The following DCAF8 variants were observed in gnomAD, a reference collection of about 807,000 sequenced individuals.
The protein encoded by DCAF8 is DDB1- and CUL4-associated factor 8.
Under a neutral mutation model 68.0 loss-of-function variants are expected in DCAF8, and 20 were observed. That is an observed-to-expected ratio of 0.29 (90% CI 0.21 to 0.43). The LOEUF (loss-of-function observed/expected upper bound fraction) is 0.43. DCAF8 is among the 20% of genes least tolerant of loss of function. The pLI, the probability that DCAF8 is intolerant of heterozygous loss-of-function variation, is 1.00. For missense variants in DCAF8, 460 were observed against 771.0 expected (o/e 0.60, Z 4.78); for synonymous variants, 230 against 276.9 (o/e 0.83, Z 1.68).
intron 7 of DCAF8, among the ~76,000 whole-genome samples, chr1:160,228,617 T>TTC (rs1301573293): frequency 2.0e-5 from 3 of 151,770 alleles, no homozygotes; most frequent in Non-Finnish European, 2.9e-5. Flanking sequence ...TACCTTTTTT[T>TTC]TTTTTTTGGC....
chr1:160,254,080 T>G (rs1312148368), intron 2 of DCAF8, among the ~76,000 whole-genome samples: 1 of 152,200 alleles, frequency 6.6e-6, no homozygotes, highest in Non-Finnish European at 1.5e-5. Context: ...TCCCAACACT[T>G]TGGGAGGCCG....
At chr1:160,252,496 T>C (rs1656636163) in intron 2 of DCAF8, among the ~76,000 whole-genome samples, 1 of 151,964 alleles carries the variant, frequency 6.6e-6, no homozygotes, top group Non-Finnish European at 1.5e-5. Context: ...TCAAGAAACA[T>C]ATATGGGTAG....
chr1:160,238,890 T>TG, intron 4 of DCAF8, 143 bp from the exon 5 acceptor site: 3 of 967,476 alleles, frequency 3.1e-6, no homozygotes, highest in Non-Finnish European at 4.4e-6. Flanking sequence ...CTTGTACAGC[T>TG]GGCTAAGCCC....
At chr1:160,223,418 T>A (rs1359056618) in intron 10 of DCAF8, among the ~76,000 whole-genome samples, 3 of 152,072 alleles carry the variant, frequency 2.0e-5, no homozygotes, top group African/African-American at 7.2e-5. Flanking sequence ...AAAATAAAAC[T>A]AACCTCTAAC....
chr1:160,251,656 G>A (rs768871849), intron 2 of DCAF8, among the ~76,000 whole-genome samples: 11 of 152,046 alleles, frequency 7.2e-5, no homozygotes, highest in Non-Finnish European at 1.2e-4. Flanking sequence ...TGTAGAGATG[G>A]TGGTGGGGAA....
At chr1:160,258,846 T>G (rs143510230) in intron 2 of DCAF8, among the ~76,000 whole-genome samples, 3 of 152,214 alleles carry the variant, frequency 2.0e-5, no homozygotes, top group Admixed American at 6.5e-5. Flanking sequence ...CACCTGGACA[T>G]TCTTACCCAG....
At chr1:160,230,804 T>A (rs1472920942) in intron 7 of DCAF8, among the ~76,000 whole-genome samples, 2 of 152,166 alleles carry the variant, frequency 1.3e-5, no homozygotes, top group Non-Finnish European at 2.9e-5. Context: ...CAGGCTGGAG[T>A]GCAGTGGCAC....
At chr1:160,248,522 T>C (rs1290513600) in intron 2 of DCAF8, among the ~76,000 whole-genome samples, 1 of 150,774 alleles carries the variant, frequency 6.6e-6, no homozygotes, top group Non-Finnish European at 1.5e-5. Flanking sequence ...GATCACGAGG[T>C]CAGGAGATCA....
intron 7 of DCAF8, among the ~76,000 whole-genome samples, chr1:160,230,643 GT>G (rs533376342): frequency 6.6e-6 from 1 of 152,260 alleles, no homozygotes; most frequent in South Asian, 2.1e-4. Flanking sequence ...TCTAGTGCAC[GT>G]TTATTTACAT....
chr1:160,257,223 G>A (rs573173224), intron 2 of DCAF8, among the ~76,000 whole-genome samples: 1 of 151,902 alleles, frequency 6.6e-6, no homozygotes, highest in East Asian at 1.9e-4. Context: ...GTTCCAAATA[G>A]GTGAGGGTAA....
At chr1:160,231,194 T>C (rs1655670683) in intron 7 of DCAF8, 103 bp downstream of exon 7, 6 of 791,360 alleles carry the variant, frequency 7.6e-6, no homozygotes, top group Non-Finnish European at 1.3e-5. Context: ...TAATAGTTAA[T>C]GGATTCCTAT....
Position 160,233,726 on chromosome 1 carries a change from C to T in DCAF8, c.960-2319G>A, listed in dbSNP as rs189772226. Among the ~76,000 whole-genome samples the T allele has an allele frequency of 8.5e-5, 13 of 152,328 alleles. No homozygotes were observed. The East Asian group carries it at 2.5e-3, about 29-fold the overall frequency. ...AAACTAAGGAATAGATTATGAAGTA[C>T]TGGCTCCACAGTTATGTAATCCTGC... On this transcript the variant is annotated intron_variant, in intron 6 of 13. Transcript: ENST00000368074.
intron 7 of DCAF8, among the ~76,000 whole-genome samples, chr1:160,227,088 T>A (rs190810179): frequency 6.6e-5 from 10 of 152,336 alleles, no homozygotes; most frequent in African/African-American, 2.4e-4. Context: ...GCATACTTTC[T>A]GGAGGTTCAC....
chr1:160,252,698 G>C (rs770383678), intron 2 of DCAF8, among the ~76,000 whole-genome samples: 9 of 152,164 alleles, frequency 5.9e-5, no homozygotes, highest in Non-Finnish European at 1.2e-4. Flanking sequence ...GAAGTAATGA[G>C]GGGCTGTCTT....
chr1:160,221,817 C>CAAA (rs58539770), intron 11 of DCAF8, among the ~76,000 whole-genome samples: 72 of 62,168 alleles, frequency 1.2e-3, no homozygotes, highest in African/African-American at 3.1e-3. Flanking sequence ...TTCTAGGTCT[C>CAAA]AAAAAAAAAA....
chr1:160,260,092 A>T (rs1657026766), intron 2 of DCAF8, among the ~76,000 whole-genome samples: 1 of 152,064 alleles, frequency 6.6e-6, no homozygotes, highest in Non-Finnish European at 1.5e-5. Context: ...GTGCAAAAAA[A>T]AAAAACCAAA....
chr1:160,219,762 C>T (rs934687020), intron 11 of DCAF8: 2 of 152,240 alleles, frequency 1.3e-5, no homozygotes, highest in African/African-American at 4.8e-5. Flanking sequence ...GAAAGGCACC[C>T]AATGCCCCCT....
At chr1:160,257,577 C>T (rs567373593) in intron 2 of DCAF8, among the ~76,000 whole-genome samples, 2 of 152,330 alleles carry the variant, frequency 1.3e-5, no homozygotes, top group East Asian at 3.9e-4. Context: ...ACAATGTCTC[C>T]TACTAGAATC....
At chr1:160,220,321 T>A (rs1655254718) in intron 11 of DCAF8, 1 of 152,198 alleles carries the variant, frequency 6.6e-6, no homozygotes, top group Non-Finnish European at 1.5e-5. Flanking sequence ...TAATAAGCCC[T>A]TGTTACAGAC....
Sources: gnomAD v4.1 joint callset for allele counts (sites outside exome capture counted in the v4.1 genomes callset) on GRCh38, gnomAD v4.1.1 for gene constraint, MANE v1.5 for transcripts, NCBI Gene and HGNC (gene_info 2026-07-23, HGNC 2026-07-21) for gene names.